Variants in LRBA observed in about 807,000 individuals in gnomAD.
LRBA encodes the protein lipopolysaccharide-responsive and beige-like anchor protein.
In LRBA, 176 loss-of-function variants were observed where a neutral mutation model predicts 330.0. That is an observed-to-expected ratio of 0.53 (90% CI 0.47 to 0.60). The LOEUF (loss-of-function observed/expected upper bound fraction) is 0.60. Ranked by LOEUF, LRBA falls within the 20% of genes least tolerant of loss-of-function variation. The pLI, the probability that LRBA is intolerant of heterozygous loss-of-function variation, is 0.00. For synonymous variants in LRBA, 1,230 were observed against 1,193.0 expected (o/e 1.03, Z -0.64); for missense variants, 3,259 against 3,444.8 (o/e 0.95, Z 1.35).
intron 40 of LRBA, among the ~76,000 whole-genome samples, chr4:150,525,964 C>A (rs1581582306): frequency 6.6e-6 from 1 of 151,950 alleles, no homozygotes; most frequent in Non-Finnish European, 1.5e-5. Flanking sequence ...CGAGACCAAT[C>A]CTCACAGGGT....
chr4:150,464,268 G>A (rs976086277), intron 44 of LRBA, among the ~76,000 whole-genome samples: 2 of 152,002 alleles, frequency 1.3e-5, no homozygotes, highest in African/African-American at 2.4e-5. Context: ...TCATATATAT[G>A]TCATTCATTT....
chr4:150,644,552 T>C (rs753680632), intron 37 of LRBA, among the ~76,000 whole-genome samples: 3 of 151,888 alleles, frequency 2.0e-5, no homozygotes, highest in African/African-American at 4.8e-5. Flanking sequence ...GTTGAGGACA[T>C]TGAAGCAAAA....
chr4:150,686,815 A>G (rs1191972747), intron 36 of LRBA, among the ~76,000 whole-genome samples: 1 of 152,112 alleles, frequency 6.6e-6, no homozygotes, highest in East Asian at 1.9e-4. Flanking sequence ...TGTCATTTCT[A>G]TCTCTTATTA....
chr4:150,722,807 G>C (rs1297078982), intron 36 of LRBA, among the ~76,000 whole-genome samples: 1 of 151,848 alleles, frequency 6.6e-6, no homozygotes, highest in Non-Finnish European at 1.5e-5. Flanking sequence ...AGGCATTGAG[G>C]GGGGCAGGAG....
chr4:150,457,500 A>G (rs2152042213), intron 44 of LRBA, among the ~76,000 whole-genome samples: 1 of 152,164 alleles, frequency 6.6e-6, no homozygotes, highest in South Asian at 2.1e-4. Flanking sequence ...TATTTATTAC[A>G]TTATCCACTG....
chr4:150,693,626 G>A (rs1157438221), intron 36 of LRBA, among the ~76,000 whole-genome samples: 2 of 144,754 alleles, frequency 1.4e-5, no homozygotes, highest in Non-Finnish European at 3.1e-5. Context: ...ACATACTTAA[G>A]TTTTGAAAGA....
rs1581043757 is a variant in LRBA at position 150,335,495 on chromosome 4, A to ACG, written c.7363-9598_7363-9597insCG. Reference sequence around the variant, plus strand: ...TATATACGTATATATGTGTGTGTATATATATATACACACACATATACGTAT... The same window carrying ACG: ...TATATACGTATATATGTGTGTGTATACGTATATATACACACACATATACGTAT... On this transcript the variant is annotated intron_variant, in intron 48 of 56. Coordinates refer to ENST00000651943, the MANE Select transcript of LRBA (RefSeq NM_001364905.1). Among the ~76,000 whole-genome samples, 4 of 146,818 alleles carry ACG rather than the reference A, an allele frequency of 2.7e-5. No individual in the cohort carries two copies. The East Asian group carries it at 7.9e-4, about 29-fold the overall frequency.
At chr4:150,305,508 A>G (rs1029156542) in intron 52 of LRBA, among the ~76,000 whole-genome samples, 1 of 152,188 alleles carries the variant, frequency 6.6e-6, no homozygotes, top group Non-Finnish European at 1.5e-5. Context: ...ACAAATAGAC[A>G]TGGTCCCTGC....
intron 40 of LRBA, among the ~76,000 whole-genome samples, chr4:150,498,314 AT>A (rs1354131752): frequency 2.0e-5 from 3 of 152,164 alleles, no homozygotes; most frequent in Non-Finnish European, 2.9e-5. Context: ...CTTAAAAATA[AT>A]TTGCATTCTA....
At chr4:150,787,492 G>A (rs757568147) in intron 34 of LRBA, among the ~76,000 whole-genome samples, 1 of 151,866 alleles carries the variant, frequency 6.6e-6, no homozygotes, top group Non-Finnish European at 1.5e-5. Flanking sequence ...AAACTTCCTA[G>A]CATCTTCTAT....
At position 150,583,779 on chromosome 4, in the gene LRBA, CCT is replaced by C; in HGVS notation, c.6330+4267_6330+4268del. On this transcript the variant is annotated intron_variant, in intron 40 of 56. Coordinates refer to ENST00000651943, the MANE Select transcript of LRBA (RefSeq NM_001364905.1). This position sits in a 1 kb window ranked among gnomAD's most constrained non-coding sequence, Gnocchi z 9.8. ...TGATGGGCGGCTGCCGAAACAAGTG[CCT>C]CTCAGTGCTGAAGACTCTGCGGGAC... The C allele has an allele frequency of 6.2e-7, 1 of 1,614,148 alleles. No individual in the cohort carries two copies. Among genetic ancestry groups the C allele is most frequent in the Non-Finnish European group, 8.5e-7 (1 of 1,180,030 alleles).
chr4:150,438,336 G>A (rs541253410), intron 44 of LRBA, among the ~76,000 whole-genome samples: 5 of 151,964 alleles, frequency 3.3e-5, no homozygotes, highest in African/African-American at 1.2e-4. Context: ...TTTAAAAATC[G>A]GCTGCGCATA....
chr4:150,859,797 T>C (rs1375500632), intron 22 of LRBA, among the ~76,000 whole-genome samples: 1 of 152,230 alleles, frequency 6.6e-6, no homozygotes, highest in Non-Finnish European at 1.5e-5. Flanking sequence ...ATTAGTTCTT[T>C]ACACATCAGT....
At chr4:150,782,754 G>C (rs1401075902) in intron 34 of LRBA, among the ~76,000 whole-genome samples, 3 of 152,026 alleles carry the variant, frequency 2.0e-5, no homozygotes, top group Non-Finnish European at 2.9e-5. Flanking sequence ...GATTTGTCAT[G>C]GCTATTTGTT....
At chr4:150,663,551 G>GA (rs796940773) in intron 37 of LRBA, among the ~76,000 whole-genome samples, 2,038 of 134,288 alleles carry the variant, frequency 0.015, 39 homozygotes, top group African/African-American at 0.048. Context: ...CACTTATGCT[G>GA]AAAAAAAAAA....
chr4:150,555,465 A>G (rs1252942395), intron 40 of LRBA, among the ~76,000 whole-genome samples: 1 of 152,156 alleles, frequency 6.6e-6, no homozygotes, highest in African/African-American at 2.4e-5. Context: ...ATCTTACAAT[A>G]CAAACAGAAT....
chr4:150,662,341 A>T (rs910307152), intron 37 of LRBA, among the ~76,000 whole-genome samples: 4 of 152,228 alleles, frequency 2.6e-5, no homozygotes, highest in African/African-American at 9.6e-5. Flanking sequence ...TACGAGAAGG[A>T]TATTACATGA....
At position 150,588,089 on chromosome 4, in the gene LRBA, C is replaced by T. The variant is rs931998557; in HGVS notation, c.6289G>A (p.Val2097Met). 1.9e-6 allele frequency: 3 copies of T among 1,612,664 alleles called. No individual in the cohort carries two copies. The highest frequency in any genetic ancestry group is 2.7e-5 in the African/African-American group (2 of 74,880). ...SVTSSELYFE[V>M]DEEDPNFKKI... ...TTGAAGTTAGGATCCTCTTCATCCA[C>T]CTCAAAATAGAGTTCGGAGGAGGTG... Residue 2097 changes from valine to methionine, a missense_variant, in exon 40 of 57, where the codon GTG becomes ATG. Physicochemically the swap from Val to Met is conservative, Grantham distance 21. Coordinates refer to ENST00000651943, the MANE Select transcript of LRBA (RefSeq NM_001364905.1).
intron 47 of LRBA, among the ~76,000 whole-genome samples, chr4:150,379,303 C>CAAAAAAAAAA (rs10634420): frequency 8.4e-5 from 5 of 59,870 alleles, no homozygotes; most frequent in East Asian, 6.2e-4. Flanking sequence ...AACTCTAGCT[C>CAAAAAAAAAA]AAAAAAAAAA....
Sources: allele counts gnomAD v4.1 joint callset (sites outside exome capture counted in the v4.1 genomes callset), GRCh38; gene constraint gnomAD v4.1.1; non-coding constraint Gnocchi (gnomAD v3.1); transcripts MANE v1.5; gene names NCBI Gene and HGNC (gene_info 2026-07-23, HGNC 2026-07-21).